Variants in USP47 observed in about 807,000 individuals in gnomAD.
USP47 encodes ubiquitin specific peptidase 47, also known as ubiquitin carboxyl-terminal hydrolase 47.
In USP47, 35 loss-of-function variants were observed where a neutral mutation model predicts 165.1. That is an observed-to-expected ratio of 0.21 (90% CI 0.16 to 0.28). USP47 has a LOEUF of 0.28. Among genes scored for constraint, USP47 ranks in the 10% least tolerant of loss-of-function variants. The pLI is 1.00. For missense variants in USP47, 1,277 were observed against 1,607.4 expected, an observed-to-expected ratio of 0.79 and a Z score of 3.52; for synonymous variants, 531 against 544.5, an observed-to-expected ratio of 0.98 and a Z score of 0.35.
chr11:11,871,563 G>A (rs953301155), intron 1 of USP47, among the ~76,000 whole-genome samples: 3 of 137,202 alleles, frequency 2.2e-5, no homozygotes, highest in African/African-American at 5.3e-5. Flanking sequence ...GGGAACCTAA[G>A]TGAGCTCCAG....
At chr11:11,948,235 A>G (rs1322258140) in intron 21 of USP47, 115 bp downstream of exon 21, 1 of 1,232,530 alleles carries the variant, frequency 8.1e-7, no homozygotes, top group East Asian at 2.5e-5. Context: ...TTTTTTTTTA[A>G]TGATTAATGG....
chr11:11,842,952 T>G (rs1848222733), intron 1 of USP47, among the ~76,000 whole-genome samples: 1 of 151,406 alleles, frequency 6.6e-6, no homozygotes, highest in South Asian at 2.1e-4. Context: ...TTCTCTTGAA[T>G]AGTAGTAGAA....
intron 1 of USP47, among the ~76,000 whole-genome samples, chr11:11,848,685 T>C (rs185149032): frequency 1.3e-5 from 2 of 151,116 alleles, no homozygotes; most frequent in Admixed American, 1.3e-4. Context: ...TATCACCTCA[T>C]TGCAACCTCT....
intron 1 of USP47, among the ~76,000 whole-genome samples, chr11:11,872,435 G>C (rs1015619068): frequency 6.6e-6 from 1 of 152,192 alleles, no homozygotes; most frequent in Admixed American, 6.5e-5. Context: ...ACTTTTGCTG[G>C]AGGCAAGTTA....
intron 1 of USP47, among the ~76,000 whole-genome samples, chr11:11,872,459 C>T (rs1295596229): frequency 2.6e-5 from 4 of 152,144 alleles, no homozygotes; most frequent in East Asian, 1.9e-4. Context: ...TCCTACTTTA[C>T]GTAGGGAAGC....
At chr11:11,894,347 T>C (rs1364998284) in intron 4 of USP47, among the ~76,000 whole-genome samples, 1 of 151,972 alleles carries the variant, frequency 6.6e-6, no homozygotes, top group African/African-American at 2.4e-5. Context: ...TCCCAGCTAC[T>C]CGGGAGGCTG....
intron 24 of USP47, 122 bp downstream of exon 24, chr11:11,950,604 T>A: frequency 1.4e-6 from 1 of 701,862 alleles, no homozygotes; most frequent in Non-Finnish European, 2.3e-6. Flanking sequence ...GTGTTTTGTG[T>A]TATATTAAGC....
intron 2 of USP47, among the ~76,000 whole-genome samples, chr11:11,883,009 C>T (rs568642171): frequency 7.9e-5 from 12 of 152,226 alleles, no homozygotes; most frequent in African/African-American, 2.9e-4. Flanking sequence ...CTACTTTCTC[C>T]TGCTTACTGC....
intron 8 of USP47, 117 bp from the exon 9 acceptor site, chr11:11,920,039 T>A (rs1230362523): frequency 1.5e-6 from 1 of 679,446 alleles, no homozygotes; most frequent in African/African-American, 1.9e-5. Context: ...CATTTTGAGT[T>A]CCTAAATTTC....
At chr11:11,863,120 A>G (rs556106872) in intron 1 of USP47, among the ~76,000 whole-genome samples, 17 of 152,324 alleles carry the variant, frequency 1.1e-4, no homozygotes, top group East Asian at 3.9e-4. Flanking sequence ...TTTTCCGATT[A>G]TAATGATTTA....
chr11:11,920,383 G>T lies in USP47; in HGVS notation c.1107G>T (p.Gln369His). The change falls in exon 10 of 28, where the codon CAG (glutamine) becomes CAT (histidine). Residue 369 changes from glutamine (Q) to histidine (H), a missense_variant. Gln to His is a conservative substitution (Grantham distance 24, BLOSUM62 0). Coordinates refer to ENST00000527733, the MANE Select transcript of USP47 (RefSeq NM_001282659.2). ...ATTTTCCTTATCTGCTGACCTTACA[G>T]CTGAAAAGATTCGATTTTGATTATA... Reference protein sequence around the residue: ...FLHFPYLLTLQLKRFDFDYTT... With the variant: ...FLHFPYLLTLHLKRFDFDYTT... The T allele has an allele frequency of 6.2e-7, 1 of 1,610,802 alleles. No homozygotes were observed. The highest frequency in any genetic ancestry group is 8.5e-7 in the Non-Finnish European group (1 of 1,178,246).
At position 11,933,815 on chromosome 11, in the gene USP47, A is replaced by G. The variant is rs1373264681; in HGVS notation, c.1765-16A>G. ...TTGGAACTGCAGAGTTGATGATGAT[A>G]TTTTACATTTTCTAGATAAAATTAT... On this transcript the variant is annotated splice_polypyrimidine_tract_variant and intron_variant, in intron 15 of 27. Coordinates refer to ENST00000527733, the MANE Select transcript of USP47 (RefSeq NM_001282659.2). 6.4e-7 allele frequency: 1 copy of G among 1,554,378 alleles called. No individual in the cohort carries two copies. Among genetic ancestry groups the G allele is most frequent in the South Asian group, 1.1e-5 (1 of 89,212 alleles).
chr11:11,954,523 A>G (rs1283132523), intron 25 of USP47, among the ~76,000 whole-genome samples: 1 of 152,120 alleles, frequency 6.6e-6, no homozygotes, highest in African/African-American at 2.4e-5. Context: ...ACTTGGAAAA[A>G]CTGAAAACAG....
intron 2 of USP47, 42 bp downstream of exon 2, chr11:11,880,422 C>A: frequency 8.0e-7 from 1 of 1,248,672 alleles, no homozygotes; most frequent in South Asian, 3.2e-5. Flanking sequence ...TTATTATAGC[C>A]ATTGTTGTTG....
At position 11,879,579 on chromosome 11, in the gene USP47, C is replaced by G. The variant is rs1199527034; in HGVS notation, c.40-598C>G. Among the ~76,000 whole-genome samples the G allele has an allele frequency of 2.6e-5, 4 of 152,094 alleles. No homozygotes were observed. In the East Asian group the frequency reaches 7.7e-4, roughly 29 times the overall value. On this transcript the variant is annotated intron_variant, in intron 1 of 27. Transcript: ENST00000527733. ...GTTTCCTTGTTTTTCCTTCCCCCTC[C>G]TCCTGGCTCATCTGTTTGGATAAGC...
intron 5 of USP47, among the ~76,000 whole-genome samples, chr11:11,900,983 G>A (rs183412990): frequency 5.2e-4 from 79 of 152,222 alleles, no homozygotes; most frequent in Admixed American, 4.9e-3. Flanking sequence ...ATAAGTACCC[G>A]CTATTGAAGA....
chr11:11,890,004 G>A (rs1437152750), intron 3 of USP47, among the ~76,000 whole-genome samples: 7 of 152,088 alleles, frequency 4.6e-5, no homozygotes, highest in Non-Finnish European at 1.0e-4. Context: ...GCCATAGGCA[G>A]GAAATTGAAA....
intron 20 of USP47, among the ~76,000 whole-genome samples, chr11:11,946,498 T>C (rs1054174902): frequency 6.6e-6 from 1 of 152,206 alleles, no homozygotes; most frequent in Non-Finnish European, 1.5e-5. Context: ...CACAACAATG[T>C]TATATGTTAT....
chr11:11,944,511 A>G (rs562395286), intron 20 of USP47, among the ~76,000 whole-genome samples: 9 of 152,312 alleles, frequency 5.9e-5, no homozygotes, highest in African/African-American at 2.2e-4. Flanking sequence ...TCTATGGAGT[A>G]TGTACCTCAT....
Sources: gnomAD v4.1 joint callset for allele counts (sites outside exome capture counted in the v4.1 genomes callset) on GRCh38, gnomAD v4.1.1 for gene constraint, MANE v1.5 for transcripts, NCBI Gene and HGNC (gene_info 2026-07-23, HGNC 2026-07-21) for gene names.